The following TEAD1 variants were observed in gnomAD, a reference collection of about 807,000 sequenced individuals.
TEAD1 encodes TEA domain transcription factor 1.
TEAD1 carries 9 observed loss-of-function variants against 54.9 expected under a neutral mutation model. That is an observed-to-expected ratio of 0.16 (90% confidence interval 0.10 to 0.29). The LOEUF (loss-of-function observed/expected upper bound fraction) is 0.29. TEAD1 is among the 10% of genes least tolerant of loss of function. TEAD1 has a pLI of 1.00. For synonymous variants in TEAD1, 200 were observed against 187.8 expected, an observed-to-expected ratio of 1.07 and a Z score of -0.53; for missense variants, 387 against 535.9, an observed-to-expected ratio of 0.72 and a Z score of 2.74.
At chr11:12,711,404 A>G (rs1943936705) in intron 2 of TEAD1, among the ~76,000 whole-genome samples, 2 of 152,212 alleles carry the variant, frequency 1.3e-5, no homozygotes, top group Admixed American at 6.5e-5. Context: ...CTTAGTAGTC[A>G]CCAGTGATGT....
At position 12,846,722 on chromosome 11, in the gene TEAD1, A is replaced by G. The variant is rs115063079; in HGVS notation, c.203-15528A>G. Among the ~76,000 whole-genome samples the G allele has an allele frequency of 8.9e-3, 1,358 of 152,306 alleles. 23 individuals are homozygous for G. The highest frequency in any genetic ancestry group is 0.031 in the African/African-American group (1,292 of 41,570). On this transcript the variant is annotated intron_variant, in intron 3 of 12. Transcript: ENST00000527636. ...TAGAAAATTTGTTTTTCTCAATTAA[A>G]TGCTGAATGTTATGCTCTCTGTCAG... is the stretch of plus-strand genomic sequence containing the variant.
At chr11:12,783,096 G>C (rs1530182) in intron 3 of TEAD1, among the ~76,000 whole-genome samples, 5,475 of 132,358 alleles carry the variant, frequency 0.041, 356 homozygotes, top group African/African-American at 0.16. Flanking sequence ...CCAGGTAAGG[G>C]TTTGTGTGTG....
chr11:12,752,222 T>G (rs948295200), intron 2 of TEAD1, among the ~76,000 whole-genome samples: 1 of 151,424 alleles, frequency 6.6e-6, no homozygotes, highest in Non-Finnish European at 1.5e-5. Context: ...AGTTTTTTTT[T>G]TTTTTTTTTT....
intron 12 of TEAD1, among the ~76,000 whole-genome samples, chr11:12,936,370 T>C (rs1949099322): frequency 6.6e-6 from 1 of 152,202 alleles, no homozygotes; most frequent in Non-Finnish European, 1.5e-5. Context: ...CCCATGTCTA[T>C]GGAAAGAATG....
At chr11:12,920,470 C>G (rs1406976704) in intron 10 of TEAD1, among the ~76,000 whole-genome samples, 5 of 152,174 alleles carry the variant, frequency 3.3e-5, no homozygotes, top group Admixed American at 6.5e-5. Context: ...GTGTTCCCTT[C>G]CATAGTCCAG....
At chr11:12,778,782 C>A (rs1012764452) in intron 3 of TEAD1, among the ~76,000 whole-genome samples, 1 of 152,070 alleles carries the variant, frequency 6.6e-6, no homozygotes, top group African/African-American at 2.4e-5. Flanking sequence ...TTTAATGAAA[C>A]AACAAGGGCA....
Position 12,864,637 on chromosome 11 carries a change from GT to G in TEAD1, c.268-197del, listed in dbSNP as rs545730659. 9.6e-5 allele frequency: 122 copies of G among 1,273,392 alleles called. No homozygotes were observed. In the East Asian group the frequency reaches 3.3e-3, roughly 35 times the overall value. The allele number at this position is 1,273,392 out of a possible 1,614,324, so 78.9% of individuals were successfully genotyped here. On this transcript the variant is annotated intron_variant, in intron 4 of 12. Coordinates refer to ENST00000527636, the MANE Select transcript of TEAD1 (RefSeq NM_021961.6). ...TTCCTTTTTTGTTTTGTTTTGTTTT[GT>G]TTTGTTTTGTTTTGTTTTGTTTCCC...
chr11:12,864,618 T>TTTTGTTTTGTTTTGG, intron 4 of TEAD1: 1 of 860,240 alleles, frequency 1.2e-6, no homozygotes, highest in Non-Finnish European at 1.5e-6. Context: ...TGATTTCCTT[T>TTTTGTTTTGTTTTGG]TTTGTTTTGT....
rs76415677 is a variant in TEAD1 at position 12,913,986 on chromosome 11, G to A, written c.874-10926G>A. Among the ~76,000 whole-genome samples, 427 of 152,356 alleles carry A rather than the reference G, an allele frequency of 2.8e-3. 1 individual carries two copies. The highest frequency in any genetic ancestry group is 9.6e-3 in the African/African-American group (399 of 41,582). On this transcript the variant is annotated intron_variant, in intron 10 of 12. Transcript: ENST00000527636. ...TGGGGCCAGCTCAGCTGGGCACCCA[G>A]AATTCATTACTTGCCTCTATTGGAA... is the stretch of plus-strand genomic sequence containing the variant.
intron 3 of TEAD1, among the ~76,000 whole-genome samples, chr11:12,781,576 A>G (rs1217519797): frequency 6.6e-6 from 1 of 152,072 alleles, no homozygotes; most frequent in Non-Finnish European, 1.5e-5. Flanking sequence ...CAAAACCATT[A>G]GCTAGCAGGG....
chr11:12,869,750 C>G (rs1947700250), intron 5 of TEAD1, among the ~76,000 whole-genome samples: 1 of 152,144 alleles, frequency 6.6e-6, no homozygotes, highest in African/African-American at 2.4e-5. Context: ...CGTCTTCAAC[C>G]AAAATTAATC....
At chr11:12,733,846 T>C (rs1944470287) in intron 2 of TEAD1, among the ~76,000 whole-genome samples, 1 of 152,232 alleles carries the variant, frequency 6.6e-6, no homozygotes, top group Non-Finnish European at 1.5e-5. Context: ...TCTAGTGACA[T>C]CTAATGATCC....
At chr11:12,861,584 A>G (rs959606335) in intron 3 of TEAD1, among the ~76,000 whole-genome samples, 1 of 152,204 alleles carries the variant, frequency 6.6e-6, no homozygotes, top group African/African-American at 2.4e-5. Flanking sequence ...CAAAGACTAG[A>G]AGAGAACTGG....
intron 3 of TEAD1, among the ~76,000 whole-genome samples, chr11:12,774,377 T>C (rs1311101548): frequency 6.6e-6 from 1 of 152,136 alleles, no homozygotes; most frequent in African/African-American, 2.4e-5. Flanking sequence ...TTAAAGAAGG[T>C]ACCGAAGTAA....
At chr11:12,688,400 A>T (rs955297759) in intron 2 of TEAD1, among the ~76,000 whole-genome samples, 1 of 152,076 alleles carries the variant, frequency 6.6e-6, no homozygotes, top group Non-Finnish European at 1.5e-5. Context: ...CCTCCTGTCT[A>T]CCTGTTTCTG....
At chr11:12,810,667 C>T (rs1243461938) in intron 3 of TEAD1, among the ~76,000 whole-genome samples, 1 of 152,200 alleles carries the variant, frequency 6.6e-6, no homozygotes, top group Non-Finnish European at 1.5e-5. Flanking sequence ...GCAGTGTCCC[C>T]AGCAGTGGGA....
chr11:12,717,064 G>C (rs1944078854), intron 2 of TEAD1, among the ~76,000 whole-genome samples: 1 of 152,204 alleles, frequency 6.6e-6, no homozygotes, highest in African/African-American at 2.4e-5. Context: ...AAAGGTTCCT[G>C]CATGGATTTG....
chr11:12,785,153 C>A (rs932298402), intron 3 of TEAD1, among the ~76,000 whole-genome samples: 2 of 152,140 alleles, frequency 1.3e-5, no homozygotes, highest in African/African-American at 4.8e-5. Context: ...GCCTGGGAGC[C>A]GTGGGGAACG....
chr11:12,822,528 A>G (rs1946574255), intron 3 of TEAD1: 1 of 152,264 alleles, frequency 6.6e-6, no homozygotes, highest in East Asian at 1.9e-4. Context: ...GCAGGAGTAC[A>G]ATGGAAGATG....
Sources: allele counts gnomAD v4.1 joint callset (sites outside exome capture counted in the v4.1 genomes callset), GRCh38; gene constraint gnomAD v4.1.1; transcripts MANE v1.5; gene names NCBI Gene and HGNC (gene_info 2026-07-23, HGNC 2026-07-21).